Variants in PPP1R1C observed in about 807,000 individuals in gnomAD.
PPP1R1C encodes protein phosphatase 1 regulatory subunit 1C.
Under a neutral mutation model 17.4 loss-of-function variants are expected in PPP1R1C, and 15 were observed. That is an observed-to-expected ratio of 0.86 (90% confidence interval 0.58 to 1.33). PPP1R1C has a LOEUF of 1.33. PPP1R1C is among the 40% of genes most tolerant of loss of function. The pLI is 0.00. For missense variants in PPP1R1C, 143 were observed against 130.0 expected (o/e 1.10, Z -0.48); for synonymous variants, 35 against 43.1 (o/e 0.81, Z 0.73).
intron 4 of PPP1R1C, among the ~76,000 whole-genome samples, chr2:182,111,523 A>G (rs1260933292): frequency 6.6e-6 from 1 of 152,128 alleles, no homozygotes; most frequent in African/African-American, 2.4e-5. Context: ...AATAAAATCA[A>G]TATGTCCCTT....
At chr2:181,959,274 C>T (rs553711357) in intron 1 of PPP1R1C, among the ~76,000 whole-genome samples, 1 of 152,144 alleles carries the variant, frequency 6.6e-6, no homozygotes. Flanking sequence ...TTGAGAATGC[C>T]AATATTAGTA....
At chr2:181,972,026 G>C (rs990898225) in intron 1 of PPP1R1C, among the ~76,000 whole-genome samples, 1 of 152,174 alleles carries the variant, frequency 6.6e-6, no homozygotes, top group African/African-American at 2.4e-5. Context: ...CTTAAAACCA[G>C]GTATTGTGAT....
At chr2:182,114,123 C>T (rs958831125) in intron 4 of PPP1R1C, among the ~76,000 whole-genome samples, 2 of 152,056 alleles carry the variant, frequency 1.3e-5, no homozygotes, top group Non-Finnish European at 2.9e-5. Flanking sequence ...GGTCCCTTTT[C>T]CTGTGTGCTC....
chr2:182,069,008 G>A (rs1267180478), intron 4 of PPP1R1C, among the ~76,000 whole-genome samples: 5 of 152,140 alleles, frequency 3.3e-5, no homozygotes, highest in Non-Finnish European at 5.9e-5. Flanking sequence ...ATTGAAAATT[G>A]AAGGCAGGAA....
intron 2 of PPP1R1C, among the ~76,000 whole-genome samples, chr2:181,996,038 T>C (rs907253808): frequency 6.6e-6 from 1 of 152,134 alleles, no homozygotes; most frequent in African/African-American, 2.4e-5. Context: ...GCTTTCAAAT[T>C]AAACAGATAA....
chr2:181,987,697 G>C, intron 1 of PPP1R1C, 142 bp from the exon 2 acceptor site: 1 of 712,686 alleles, frequency 1.4e-6, no homozygotes, highest in South Asian at 1.8e-5. Flanking sequence ...AATAAAATTA[G>C]TGAGCACCTT....
chr2:182,073,191 G>C (rs1688189949), intron 4 of PPP1R1C, among the ~76,000 whole-genome samples: 1 of 151,888 alleles, frequency 6.6e-6, no homozygotes, highest in African/African-American at 2.4e-5. Flanking sequence ...TTGAGACTGA[G>C]AATGCATTTT....
chr2:181,964,697 T>TTTTATTTATTTATTTA (rs147683694), intron 1 of PPP1R1C, among the ~76,000 whole-genome samples: 41 of 151,408 alleles, frequency 2.7e-4, no homozygotes, highest in Admixed American at 1.6e-3. Context: ...CTGTAGTTTA[T>TTTTATTTATTTATTTA]TTTATTTATT....
Position 181,962,096 on chromosome 2 carries a change from T to C in PPP1R1C, n.111+7462T>C. The C allele has an allele frequency of 2.8e-6, 2 of 722,070 alleles. No homozygotes were observed. Among genetic ancestry groups the C allele is most frequent in the Non-Finnish European group, 5.1e-6 (2 of 391,180 alleles). 44.7% of individuals were successfully genotyped at this position (722,070 alleles called of 1,614,324 possible). A position where few individuals can be genotyped will look rare whatever the true frequency, so the allele number is the denominator to read the frequency against. The stretch of plus-strand genomic sequence containing the variant: ...CAGGTCCTCGATGGTCTTGAGGTAA[T>C]GACTCCAGTCTCTGACCTGGAGTCC... On this transcript the variant is annotated intron_variant and non_coding_transcript_variant, in intron 1 of 5. Transcript: ENST00000464264. This position sits in a 1 kb window ranked among gnomAD's most constrained non-coding sequence, Gnocchi z 6.0.
chr2:182,098,173 T>G (rs999385660), intron 4 of PPP1R1C, among the ~76,000 whole-genome samples: 1 of 152,044 alleles, frequency 6.6e-6, no homozygotes. Context: ...AAACAGCAAA[T>G]GTAGGCCTTT....
At chr2:182,072,027 AAT>A (rs1559081230) in intron 4 of PPP1R1C, among the ~76,000 whole-genome samples, 1 of 152,218 alleles carries the variant, frequency 6.6e-6, no homozygotes, top group Non-Finnish European at 1.5e-5. Context: ...TATTCTACAA[AAT>A]ATATGTGTGA....
At chr2:182,037,601 G>A (rs1399873913) in intron 2 of PPP1R1C, among the ~76,000 whole-genome samples, 4 of 148,302 alleles carry the variant, frequency 2.7e-5, no homozygotes, top group Non-Finnish European at 6.0e-5. Flanking sequence ...AAAAAAAAAT[G>A]TGTAAAACCA....
intron 5 of PPP1R1C, among the ~76,000 whole-genome samples, chr2:182,126,432 T>C (rs1420710941): frequency 6.6e-6 from 1 of 152,134 alleles, no homozygotes; most frequent in East Asian, 1.9e-4. Context: ...AATGTCTATT[T>C]TGTCTATGTT....
intron 1 of PPP1R1C, among the ~76,000 whole-genome samples, chr2:181,971,805 C>T (rs916497282): frequency 1.3e-5 from 2 of 152,134 alleles, no homozygotes; most frequent in Non-Finnish European, 1.5e-5. Flanking sequence ...CTATAGATGC[C>T]GGCTTAGTTC....
upstream of PPP1R1C, among the ~76,000 whole-genome samples, chr2:181,982,509 A>G (rs1404494959): frequency 6.6e-6 from 1 of 152,242 alleles, no homozygotes; most frequent in Non-Finnish European, 1.5e-5. Context: ...GAGGCAAAAG[A>G]AACACATAGG....
intron 2 of PPP1R1C, among the ~76,000 whole-genome samples, chr2:182,044,069 C>T (rs1687269616): frequency 6.6e-6 from 1 of 152,180 alleles, no homozygotes; most frequent in African/African-American, 2.4e-5. Context: ...AAGTCGAGTC[C>T]ATTCTTTCTC....
intron 4 of PPP1R1C, among the ~76,000 whole-genome samples, chr2:182,074,008 G>A (rs998566997): frequency 1.3e-5 from 2 of 151,858 alleles, no homozygotes; most frequent in African/African-American, 4.8e-5. Context: ...TTGGGACCAG[G>A]GCAAAAGGAC....
chr2:182,077,927 T>C (rs370266045), intron 4 of PPP1R1C, among the ~76,000 whole-genome samples: 293 of 152,320 alleles, frequency 1.9e-3, no homozygotes, highest in Non-Finnish European at 3.1e-3. Context: ...ACGCCTGTAA[T>C]GCCAACCCTT....
intron 2 of PPP1R1C, among the ~76,000 whole-genome samples, chr2:181,977,692 C>A (rs1450923086): frequency 6.6e-6 from 1 of 152,100 alleles, no homozygotes; most frequent in East Asian, 1.9e-4. Flanking sequence ...AGGCCAGCAA[C>A]CATTTTTTAT....
Sources: allele counts gnomAD v4.1 joint callset (sites outside exome capture counted in the v4.1 genomes callset), GRCh38; gene constraint gnomAD v4.1.1; non-coding constraint Gnocchi (gnomAD v3.1); transcripts MANE v1.5; gene names NCBI Gene and HGNC (gene_info 2026-07-23, HGNC 2026-07-21).